The following HYOU1 variants were observed in gnomAD, a reference collection of about 807,000 sequenced individuals.
HYOU1 encodes hypoxia up-regulated protein 1.
HYOU1 carries 40 observed loss-of-function variants against 120.5 expected under a neutral mutation model. The ratio of observed to expected loss-of-function variants is 0.33; its 90% CI spans 0.26 to 0.43. HYOU1 has a LOEUF of 0.43. HYOU1 is among the 20% of genes least tolerant of loss of function. The pLI, the probability that HYOU1 is intolerant of heterozygous loss-of-function variation, is 1.00. For missense variants in HYOU1, 1,085 were observed against 1,278.3 expected, an observed-to-expected ratio of 0.85 and a Z score of 2.31; for synonymous variants, 501 against 479.4, an observed-to-expected ratio of 1.05 and a Z score of -0.59.
At position 119,048,394 on chromosome 11, in the gene HYOU1, C is replaced by CA; in HGVS notation, c.2254-25dup. 1 of 1,610,274 alleles carries CA rather than the reference C, an allele frequency of 6.2e-7. No individual in the cohort carries two copies. Among genetic ancestry groups the CA allele is most frequent in the Non-Finnish European group, 8.5e-7 (1 of 1,179,614 alleles). On this transcript the variant is annotated intron_variant, in intron 19 of 25. Transcript: ENST00000617285. This position sits in a 1 kb window ranked among gnomAD's most constrained non-coding sequence, Gnocchi z 4.7. The stretch of plus-strand genomic sequence containing the variant: ...TCCTGGGGAGGGGGACATGTAAACA[C>CA]ATGCACCCACAAGCCCAGAGGCAAG...
rs1237372837 is a variant in HYOU1 at position 119,045,000 on chromosome 11, A to G, written c.*593T>C. ...TTAGGCAAGGGGCAGAGAACTGCCC[A>G]ATTTGCTGCAGGAAGCCAAGGAAAC... On this transcript the variant is annotated 3_prime_UTR_variant, in exon 26 of 26. Coordinates refer to ENST00000617285, the MANE Select transcript of HYOU1 (RefSeq NM_006389.5). The G allele has an allele frequency of 2.4e-6, 1 of 422,096 alleles. No homozygotes were observed. Among genetic ancestry groups the G allele is most frequent in the Non-Finnish European group, 5.0e-6 (1 of 201,678 alleles). 26.1% of individuals were successfully genotyped at this position (422,096 alleles called of 1,614,324 possible).
chr11:119,049,712 T>C (rs2134686625), intron 15 of HYOU1, 65 bp downstream of exon 15: 1 of 1,607,258 alleles, frequency 6.2e-7, no homozygotes, highest in East Asian at 2.2e-5. Context: ...GGCCATGCCC[T>C]GTCCACCTCC....
Position 119,048,254 on chromosome 11 carries a change from G to C in HYOU1, c.2370C>G (p.Thr790=). The C allele has an allele frequency of 6.2e-7, 1 of 1,611,212 alleles. No individual in the cohort carries two copies. The highest frequency in any genetic ancestry group is 1.1e-5 in the South Asian group (1 of 90,984). The change falls in exon 20 of 26, where the codon ACC becomes ACG. Residue 790 remains threonine, a synonymous_variant. Coordinates refer to ENST00000617285, the MANE Select transcript of HYOU1 (RefSeq NM_006389.5). The surrounding 1 kb of genome is among the most constrained non-coding windows in gnomAD (Gnocchi z 4.7). The stretch of plus-strand genomic sequence containing the variant: ...GTCCTGAGAGGCCCCTCACCACTGT[G>C]GTGGCTCCAACACCCTCATCCTCCA... ...TWLEDEGVGA[T]TVMLKEKLAE... is the part of the protein sequence containing the mutation.
At position 119,052,197 on chromosome 11, in the gene HYOU1, G is replaced by A; in HGVS notation, c.1123-25C>T. 1 of 1,613,868 alleles carries A rather than the reference G, an allele frequency of 6.2e-7. No individual in the cohort carries two copies. Among genetic ancestry groups the A allele is most frequent in the Non-Finnish European group, 8.5e-7 (1 of 1,179,810 alleles). The stretch of plus-strand genomic sequence containing the variant: ...CCTGCAGTGGGTAAGAATGACAGGT[G>A]CAACAGCATGCAGTTAGCACTGACT... On this transcript the variant is annotated intron_variant, in intron 10 of 25. Coordinates refer to ENST00000617285, the MANE Select transcript of HYOU1 (RefSeq NM_006389.5). The surrounding 1 kb of genome is among the most constrained non-coding windows in gnomAD (Gnocchi z 5.0).
chr11:119,054,743 C>G, intron 6 of HYOU1, 68 bp from the exon 7 acceptor site: 2 of 1,491,780 alleles, frequency 1.3e-6, no homozygotes, highest in Non-Finnish European at 9.1e-7. Flanking sequence ...AATCTGGTCA[C>G]TAATGACATT....
chr11:119,049,701 G>A, intron 15 of HYOU1, 66 bp from the exon 16 acceptor site: 1 of 1,608,018 alleles, frequency 6.2e-7, no homozygotes, highest in South Asian at 1.1e-5. Context: ...TCTAACCCAA[G>A]GGCCATGCCC....
chr11:119,045,750 C>G lies in HYOU1; in HGVS notation c.2938+31G>C, dbSNP rs2133544352. The G allele has an allele frequency of 3.1e-6, 5 of 1,613,438 alleles. No individual in the cohort carries two copies. In the South Asian group the frequency reaches 3.3e-5, roughly 11 times the overall value. ...AAGGATTTCCTGAGACCCCACCAGG[C>G]TTCCCACCGTAGCCCCGGCTCCATC... On this transcript the variant is annotated intron_variant, in intron 25 of 25. Transcript: ENST00000617285.
intron 16 of HYOU1, 26 bp from the exon 17 acceptor site, chr11:119,049,229 G>C: frequency 1.3e-6 from 2 of 1,587,138 alleles, no homozygotes; most frequent in Non-Finnish European, 1.7e-6. Flanking sequence ...GGCGCCCCAG[G>C]GAACGATCAG....
At position 119,052,749 on chromosome 11, in the gene HYOU1, T is replaced by G. The variant is rs1944519991; in HGVS notation, c.875A>C (p.Lys292Thr). ...CCGCACATCCTTTGCTCTCTGACCC[T>G]TGCGCTGCTCATTGAAAAGCCCAGC... is the stretch of plus-strand genomic sequence containing the variant. ...RLAGLFNEQRKGQRAKDVREN... is the reference protein window; with the variant it reads ...RLAGLFNEQRTGQRAKDVREN... The change falls in exon 9 of 26, where the codon AAG (lysine) becomes ACG (threonine). Residue 292 changes from lysine to threonine, a missense_variant. Transcript: ENST00000617285. This position sits in a 1 kb window ranked among gnomAD's most constrained non-coding sequence, Gnocchi z 5.0. The G allele has an allele frequency of 6.2e-7, 1 of 1,614,236 alleles. No individual in the cohort carries two copies. Among genetic ancestry groups the G allele is most frequent in the Admixed American group, 1.7e-5 (1 of 60,026 alleles).
At chr11:119,054,023 G>A (rs1349968773) in intron 8 of HYOU1, 98 bp downstream of exon 8, 2 of 724,468 alleles carry the variant, frequency 2.8e-6, no homozygotes, top group East Asian at 5.3e-5. Context: ...GACCATTCCT[G>A]CAGCATGCAG....
At chr11:119,049,698 C>G in intron 15 of HYOU1, 63 bp from the exon 16 acceptor site, 1 of 1,608,006 alleles carries the variant, frequency 6.2e-7, no homozygotes, top group Non-Finnish European at 8.5e-7. Flanking sequence ...CCTTCTAACC[C>G]AAGGGCCATG....
Position 119,048,013 on chromosome 11 carries a change from C to T in HYOU1, c.2444G>A (p.Arg815His), listed in dbSNP as rs2133560317. 6.8e-6 allele frequency: 11 copies of T among 1,614,180 alleles called. No homozygotes were observed. The highest frequency in any genetic ancestry group is 5.0e-5 in the Admixed American group (3 of 60,024). ...AGACAGCCGTTCGGGCCACTTCTTG[C>T]GCTCCTCTACCCGAAAAAACAGCCC... ...CQGLFFRVEE[R>H]KKWPERLSAL... Residue 815 changes from arginine (R) to histidine (H), a missense_variant, in exon 21 of 26, where the codon CGC (arginine) becomes CAC (histidine). By Grantham distance (29) the Arg-to-His change is conservative. Around this residue, in one of 4 missense-constraint regions of HYOU1, gnomAD observed 516 missense variants for 517.1 expected, o/e 1.00. Coordinates refer to ENST00000617285, the MANE Select transcript of HYOU1 (RefSeq NM_006389.5). The surrounding 1 kb of genome is among the most constrained non-coding windows in gnomAD (Gnocchi z 4.7).
chr11:119,045,261 AC>A lies in HYOU1; in HGVS notation c.*331del, dbSNP rs1248574499. ...ACCTGATACCCTTCCCATCACCGGG[AC>A]CCATCAGCCACTGGCAGCCATTCTC... is the stretch of plus-strand genomic sequence containing the variant. On this transcript the variant is annotated 3_prime_UTR_variant, in exon 26 of 26. Coordinates refer to ENST00000617285, the MANE Select transcript of HYOU1 (RefSeq NM_006389.5). 41 of 510,958 alleles carry A rather than the reference AC, an allele frequency of 8.0e-5. No homozygotes were observed. In the East Asian group the frequency reaches 2.0e-3, roughly 25 times the overall value. The allele number at this position is 510,958 out of a possible 1,614,324, so 31.7% of individuals were successfully genotyped here.
intron 24 of HYOU1, 24 bp downstream of exon 24, chr11:119,046,391 GCT>G (rs2133549569): frequency 6.2e-7 from 1 of 1,612,244 alleles, no homozygotes; most frequent in South Asian, 1.1e-5. Flanking sequence ...ACATCCACGT[GCT>G]CAACCATGGT....
chr11:119,046,118 G>A (rs1005471148), intron 24 of HYOU1, among the ~76,000 whole-genome samples: 12 of 151,978 alleles, frequency 7.9e-5, no homozygotes, highest in African/African-American at 2.4e-4. Context: ...GCGCCACCAC[G>A]CCTGACTCTT....
At position 119,045,667 on chromosome 11, in the gene HYOU1, T is replaced by A. The variant is rs200381445; in HGVS notation, c.2939-13A>T. 6.0e-4 allele frequency: 970 copies of A among 1,614,112 alleles called. No individual in the cohort carries two copies. The highest frequency in any genetic ancestry group is 7.4e-4 in the Non-Finnish European group (872 of 1,180,014). ...TTCTGTTCAGGTTCTGTTGGGAGTTTGGGGGAGCAAAGGAATCACCGCAGG... is the reference window on the plus strand; with the variant it reads ...TTCTGTTCAGGTTCTGTTGGGAGTTAGGGGGAGCAAAGGAATCACCGCAGG... On this transcript the variant is annotated splice_polypyrimidine_tract_variant and intron_variant, in intron 25 of 25. Coordinates refer to ENST00000617285, the MANE Select transcript of HYOU1 (RefSeq NM_006389.5).
chr11:119,053,968 C>G, intron 8 of HYOU1, 153 bp downstream of exon 8: 1 of 591,038 alleles, frequency 1.7e-6, no homozygotes, highest in Non-Finnish European at 3.0e-6. Context: ...CTTCCCCTTA[C>G]TCTTTGTGAG....
Position 119,055,439 on chromosome 11 carries a change from C to T in HYOU1, c.264+54G>A. The stretch of plus-strand genomic sequence containing the variant: ...CTGATAAGGAAACAGACTCTGGGGG[C>T]TGCCATCTCCTCTCCTCTGCCCACC... On this transcript the variant is annotated intron_variant, in intron 4 of 25. Transcript: ENST00000617285. This position sits in a 1 kb window ranked among gnomAD's most constrained non-coding sequence, Gnocchi z 4.0. 6.2e-7 allele frequency: 1 copy of T among 1,604,256 alleles called. No individual in the cohort carries two copies. Among genetic ancestry groups the T allele is most frequent in the Non-Finnish European group, 8.5e-7 (1 of 1,171,334 alleles).
chr11:119,048,188 G>A lies in HYOU1; in HGVS notation c.2376+60C>T. 6.2e-7 allele frequency: 1 copy of A among 1,606,850 alleles called. No individual in the cohort carries two copies. Among genetic ancestry groups the A allele is most frequent in the Non-Finnish European group, 8.5e-7 (1 of 1,176,996 alleles). ...CAAGCCCCAGCTCTTCTCTCTCTCT[G>A]ACCCTGGGAGAGGAAGGAGAGCTCC... On this transcript the variant is annotated intron_variant, in intron 20 of 25. Coordinates refer to ENST00000617285, the MANE Select transcript of HYOU1 (RefSeq NM_006389.5). The surrounding 1 kb of genome is among the most constrained non-coding windows in gnomAD (Gnocchi z 4.7).
Sources: gnomAD v4.1 joint callset for allele counts (sites outside exome capture counted in the v4.1 genomes callset) on GRCh38, gnomAD v4.1.1 for gene constraint, gnomAD v4.1.1 regional missense constraint, Gnocchi (gnomAD v3.1) non-coding constraint, MANE v1.5 for transcripts, NCBI Gene and HGNC (gene_info 2026-07-23, HGNC 2026-07-21) for gene names.